Variants in ANTXR1 observed in about 807,000 individuals in gnomAD.
ANTXR1 encodes ANTXR cell adhesion molecule 1, also known as anthrax toxin receptor 1.
Under a neutral mutation model 78.1 loss-of-function variants are expected in ANTXR1, and 19 were observed. The ratio of observed to expected loss-of-function variants is 0.24; its 90% CI spans 0.17 to 0.36. The LOEUF is 0.36. ANTXR1 is among the 10% of genes least tolerant of loss of function. The pLI is 1.00. For synonymous variants in ANTXR1, 273 were observed against 260.5 expected, an observed-to-expected ratio of 1.05 and a Z score of -0.46; for missense variants, 518 against 718.6, an observed-to-expected ratio of 0.72 and a Z score of 3.19.
chr2:69,123,365 A>AG (rs2104376979), intron 11 of ANTXR1, among the ~76,000 whole-genome samples: 1 of 152,358 alleles, frequency 6.6e-6, no homozygotes, highest in East Asian at 1.9e-4. Flanking sequence ...AGCTTGCCTA[A>AG]GGTCACACAG....
At chr2:69,036,508 T>A (rs1669429657) in intron 1 of ANTXR1, among the ~76,000 whole-genome samples, 1 of 152,244 alleles carries the variant, frequency 6.6e-6, no homozygotes, top group South Asian at 2.1e-4. Context: ...ATTAACCATC[T>A]TCCCAGTATA....
In ANTXR1 at chr2:69,077,723, C is replaced by T. The variant is rs532663989; in HGVS notation, c.642+235C>T. ...ACAATTGAAAGGGGCGCTACTCTGG[C>T]AGTGAGCCAGGCTTCAGGAGGCCCT... is the stretch of plus-strand genomic sequence containing the variant. On this transcript the variant is annotated intron_variant, in intron 8 of 17. Transcript: ENST00000303714. Among the ~76,000 whole-genome samples the T allele has an allele frequency of 3.3e-5, 5 of 152,346 alleles. 1 individual carries two copies. In the East Asian group the frequency reaches 9.6e-4, roughly 29 times the overall value.
At chr2:69,162,162 G>A (rs1307437775) in intron 13 of ANTXR1, among the ~76,000 whole-genome samples, 1 of 152,184 alleles carries the variant, frequency 6.6e-6, no homozygotes, top group Non-Finnish European at 1.5e-5. Context: ...GATGTTTCCA[G>A]GGCCCAAATA....
chr2:69,169,129 G>T (rs910076990), intron 13 of ANTXR1, among the ~76,000 whole-genome samples: 1 of 152,246 alleles, frequency 6.6e-6, no homozygotes, highest in Non-Finnish European at 1.5e-5. Flanking sequence ...GGTGCTTGCT[G>T]CCAGCTAAGC....
intron 8 of ANTXR1, among the ~76,000 whole-genome samples, chr2:69,090,175 T>C (rs1200672017): frequency 6.6e-6 from 1 of 151,862 alleles, no homozygotes; most frequent in Admixed American, 6.6e-5. Context: ...AAAAAGGAAC[T>C]CTTGGTCATC....
chr2:69,090,726 T>C, intron 8 of ANTXR1, 133 bp from the exon 9 acceptor site: 1 of 781,140 alleles, frequency 1.3e-6, no homozygotes, highest in Non-Finnish European at 2.2e-6. Flanking sequence ...GATGTTAGAC[T>C]CCTCGCACCC....
chr2:69,031,648 G>C (rs1354907440), intron 1 of ANTXR1, among the ~76,000 whole-genome samples: 1 of 152,068 alleles, frequency 6.6e-6, no homozygotes, highest in Non-Finnish European at 1.5e-5. Context: ...TCCCTCTGCT[G>C]TACTGCCAGC....
chr2:69,197,984 C>A (rs1182135662), intron 17 of ANTXR1, among the ~76,000 whole-genome samples: 4 of 152,192 alleles, frequency 2.6e-5, no homozygotes, highest in African/African-American at 9.7e-5. Flanking sequence ...TGAATAATAT[C>A]ATTTTAATGA....
At chr2:69,190,740 G>A (rs577379618) in intron 16 of ANTXR1, among the ~76,000 whole-genome samples, 1 of 152,306 alleles carries the variant, frequency 6.6e-6, no homozygotes, top group African/African-American at 2.4e-5. Flanking sequence ...ACACTGTAGG[G>A]TGATCTGTTG....
At chr2:69,111,687 A>G (rs942104340) in intron 10 of ANTXR1, among the ~76,000 whole-genome samples, 5 of 152,172 alleles carry the variant, frequency 3.3e-5, no homozygotes, top group African/African-American at 1.2e-4. Context: ...ATTTCCCCAA[A>G]CTGAACATCG....
At chr2:69,228,235 C>CA (rs1233006533) in intron 17 of ANTXR1, among the ~76,000 whole-genome samples, 1 of 152,126 alleles carries the variant, frequency 6.6e-6, no homozygotes, top group African/African-American at 2.4e-5. Context: ...GGCACTTCTC[C>CA]AGGAAGGGTT....
At chr2:69,045,095 G>A (rs1669721632) in intron 3 of ANTXR1, among the ~76,000 whole-genome samples, 1 of 152,124 alleles carries the variant, frequency 6.6e-6, no homozygotes, top group Non-Finnish European at 1.5e-5. Context: ...CTGCTAACTT[G>A]GAGCGAAATG....
intron 8 of ANTXR1, among the ~76,000 whole-genome samples, chr2:69,085,686 A>G (rs1405894493): frequency 7.0e-6 from 1 of 143,732 alleles, no homozygotes; most frequent in Non-Finnish European, 1.5e-5. Context: ...TTTATAATCT[A>G]AGAAGACAGT....
chr2:69,105,575 G>A (rs909923564), intron 10 of ANTXR1, among the ~76,000 whole-genome samples: 8 of 152,082 alleles, frequency 5.3e-5, no homozygotes, highest in South Asian at 2.1e-4. Flanking sequence ...AATGCAGCAC[G>A]TTTAGATCTA....
chr2:69,030,230 C>T (rs1212482597), intron 1 of ANTXR1, among the ~76,000 whole-genome samples: 1 of 152,100 alleles, frequency 6.6e-6, no homozygotes, highest in Non-Finnish European at 1.5e-5. Context: ...AGGAGTCCTT[C>T]GATTCTGGAC....
chr2:69,193,400 A>C lies in ANTXR1; in HGVS notation c.1419A>C (p.Pro473=), dbSNP rs768330092. ...ATGATCGTGTGTCTGTGATGCGTCC[A>C]CAGCCAGGAGACACGGTAGGACTCG... The part of the protein sequence containing the change: ...KGYDRVSVMR[P]QPGDTGRCIN... The change falls in exon 17 of 18, where the codon CCA becomes CCC. Residue 473 remains proline, a synonymous_variant. Transcript: ENST00000303714. 6.8e-6 allele frequency: 11 copies of C among 1,613,620 alleles called. No individual in the cohort carries two copies. Among genetic ancestry groups the C allele is most frequent in the South Asian group, 5.5e-5 (5 of 91,070 alleles).
chr2:69,241,129 T>A (rs1393076555), intron 17 of ANTXR1, among the ~76,000 whole-genome samples: 1 of 152,160 alleles, frequency 6.6e-6, no homozygotes, highest in African/African-American at 2.4e-5. Flanking sequence ...TGGATCGGAA[T>A]CAAACCACCC....
chr2:69,037,029 A>G (rs1047581323), intron 1 of ANTXR1, among the ~76,000 whole-genome samples: 2 of 152,236 alleles, frequency 1.3e-5, no homozygotes, highest in Non-Finnish European at 2.9e-5. Flanking sequence ...GGGAGACTCC[A>G]GATGCCATTC....
At chr2:69,045,036 A>G (rs1294636715) in intron 3 of ANTXR1, among the ~76,000 whole-genome samples, 1 of 152,224 alleles carries the variant, frequency 6.6e-6, no homozygotes, top group Non-Finnish European at 1.5e-5. Flanking sequence ...AATTTTATAA[A>G]TGATGAAATT....
Sources: gnomAD v4.1 joint callset for allele counts (sites outside exome capture counted in the v4.1 genomes callset) on GRCh38, gnomAD v4.1.1 for gene constraint, MANE v1.5 for transcripts, NCBI Gene and HGNC (gene_info 2026-07-23, HGNC 2026-07-21) for gene names.